SLC37A1: variants seen among roughly 807,000 people sequenced by gnomAD.
The protein encoded by SLC37A1 is glucose-6-phosphate exchanger SLC37A1.
Under a neutral mutation model 75.3 loss-of-function variants are expected in SLC37A1, and 49 were observed. The ratio of observed to expected loss-of-function variants is 0.65; its 90% CI spans 0.52 to 0.83. SLC37A1 has a LOEUF of 0.83. Among genes scored for constraint, SLC37A1 ranks in the 40% least tolerant of loss-of-function variants. SLC37A1 has a pLI of 0.00. For missense variants in SLC37A1, 566 were observed against 695.0 expected, an observed-to-expected ratio of 0.81 and a Z score of 2.09; for synonymous variants, 268 against 292.1, an observed-to-expected ratio of 0.92 and a Z score of 0.84.
rs372084210 is a variant in SLC37A1 at position 42,580,660 on chromosome 21, C to T, written c.*300C>T. 1.0e-4 allele frequency: 24 copies of T among 239,774 alleles called. No homozygotes were observed. Among genetic ancestry groups the T allele is most frequent in the African/African-American group, 4.8e-4 (19 of 39,664 alleles). The allele number at this position is 239,774 out of a possible 1,614,324, so 14.9% of individuals were successfully genotyped here. On this transcript the variant is annotated 3_prime_UTR_variant, in exon 20 of 20. Transcript: ENST00000352133. ...GCCCATGCAGCCACCCAAATGCACG[C>T]GTGACAACAAGGCCGGGAGGGTGGG...
At chr21:42,578,685 T>C (rs1386339483) in intron 18 of SLC37A1, among the ~76,000 whole-genome samples, 1 of 152,194 alleles carries the variant, frequency 6.6e-6, no homozygotes, top group Non-Finnish European at 1.5e-5. Context: ...CGCAAACACC[T>C]TTCATGCACC....
intron 10 of SLC37A1, among the ~76,000 whole-genome samples, chr21:42,556,735 C>T (rs971190109): frequency 8.5e-5 from 13 of 152,210 alleles, no homozygotes; most frequent in African/African-American, 3.1e-4. Context: ...TGTCTTGGTC[C>T]ACCCAGTGGC....
At chr21:42,529,468 C>T (rs1202480700) in intron 3 of SLC37A1, among the ~76,000 whole-genome samples, 3 of 152,000 alleles carry the variant, frequency 2.0e-5, no homozygotes, top group African/African-American at 4.8e-5. Flanking sequence ...GCATGAGAAT[C>T]GCTTGAACCT....
intron 2 of SLC37A1, 144 bp from the exon 3 acceptor site, chr21:42,525,632 A>T (rs2054770069): frequency 1.6e-6 from 1 of 626,382 alleles, no homozygotes; most frequent in Admixed American, 2.8e-5. Context: ...TTCCAATATT[A>T]TAGTGACATA....
intron 3 of SLC37A1, among the ~76,000 whole-genome samples, chr21:42,533,147 C>T (rs1211673209): frequency 6.6e-6 from 1 of 152,200 alleles, no homozygotes; most frequent in Non-Finnish European, 1.5e-5. Context: ...GGGGTGGCTC[C>T]CTGCCCAGCG....
In SLC37A1 at chr21:42,547,881, T is replaced by C. The variant is rs952951016; in HGVS notation, c.768+741T>C. On this transcript the variant is annotated intron_variant, in intron 9 of 19. Coordinates refer to ENST00000352133, the MANE Select transcript of SLC37A1 (RefSeq NM_001320537.2). The surrounding 1 kb of genome is among the most constrained non-coding windows in gnomAD (Gnocchi z 6.1). ...GCCCCGCTCCCCATGTCCACTGGCA[T>C]GACACCCCTCCTGTCTGCAGGCCAC... Among the ~76,000 whole-genome samples, 1 of 152,162 alleles carries C rather than the reference T, an allele frequency of 6.6e-6. No individual in the cohort carries two copies. Among genetic ancestry groups the C allele is most frequent in the African/African-American group, 2.4e-5 (1 of 41,438 alleles).
At chr21:42,571,918 C>A (rs945569778) in intron 17 of SLC37A1, among the ~76,000 whole-genome samples, 1 of 152,164 alleles carries the variant, frequency 6.6e-6, no homozygotes, top group Non-Finnish European at 1.5e-5. Flanking sequence ...GCCCACTGCG[C>A]GGCTTGGCCC....
intron 18 of SLC37A1, among the ~76,000 whole-genome samples, chr21:42,578,336 T>C (rs1031461600): frequency 6.6e-6 from 1 of 152,242 alleles, no homozygotes; most frequent in African/African-American, 2.4e-5. Context: ...CACGTGGGCA[T>C]GTTTTGAAAT....
chr21:42,535,638 G>T, intron 5 of SLC37A1, 88 bp downstream of exon 5: 3 of 1,202,318 alleles, frequency 2.5e-6, no homozygotes, highest in Non-Finnish European at 3.7e-6. Flanking sequence ...GTGCACAGGC[G>T]CGCGGGATTG....
chr21:42,551,799 GT>G (rs944915744), intron 9 of SLC37A1, among the ~76,000 whole-genome samples: 3 of 148,090 alleles, frequency 2.0e-5, no homozygotes, highest in African/African-American at 5.2e-5. Flanking sequence ...GACCTCAATG[GT>G]TTTTTTTGTT....
Position 42,518,480 on chromosome 21 carries a change from G to T in SLC37A1, c.26G>T (p.Arg9Leu). 1 of 1,614,128 alleles carries T rather than the reference G, an allele frequency of 6.2e-7. No homozygotes were observed. Among genetic ancestry groups the T allele is most frequent in the East Asian group, 2.2e-5 (1 of 44,882 alleles). MARLPAGI[R>L]FIISFSRDQW... ...ATGGCTCGACTCCCCGCTGGCATTC[G>T]CTTCATCATCTCATTCTCCAGGGAT... Residue 9 changes from arginine to leucine, a missense_variant, in exon 2 of 20, where the codon CGC becomes CTC. By Grantham distance (102) the Arg-to-Leu change is moderately radical (BLOSUM62 -2). Transcript: ENST00000352133.
chr21:42,572,114 G>A (rs996052128), intron 17 of SLC37A1, among the ~76,000 whole-genome samples: 1 of 152,204 alleles, frequency 6.6e-6, no homozygotes, highest in African/African-American at 2.4e-5. Flanking sequence ...TCTCGCCTGA[G>A]GCAATGTGGA....
upstream of SLC37A1, among the ~76,000 whole-genome samples, chr21:42,510,760 G>A (rs1238178701): frequency 6.6e-6 from 1 of 152,106 alleles, no homozygotes; most frequent in African/African-American, 2.4e-5. Context: ...CTTCATAAGA[G>A]ACAAAGTCAC....
At chr21:42,503,275 G>T (rs1458845291) in intron 2 of SLC37A1, among the ~76,000 whole-genome samples, 2 of 123,686 alleles carry the variant, frequency 1.6e-5, no homozygotes, top group Admixed American at 2.0e-4. Context: ...TTTGAGACAA[G>T]GTCTGGCTCT....
chr21:42,568,133 C>T (rs966741135), intron 16 of SLC37A1, among the ~76,000 whole-genome samples: 1 of 152,216 alleles, frequency 6.6e-6, no homozygotes, highest in Admixed American at 6.5e-5. Context: ...GAAGAGAATC[C>T]TAAGAGTTCT....
chr21:42,549,529 GA>G (rs1319514774), intron 9 of SLC37A1, among the ~76,000 whole-genome samples: 4 of 152,244 alleles, frequency 2.6e-5, no homozygotes, highest in African/African-American at 7.2e-5. Context: ...GCTGGTCGCA[GA>G]GGGAGAGATG....
At chr21:42,576,821 G>A (rs371526899) in intron 18 of SLC37A1, among the ~76,000 whole-genome samples, 9 of 152,212 alleles carry the variant, frequency 5.9e-5, no homozygotes, top group East Asian at 1.9e-4. Context: ...TTACTGAAGT[G>A]AAATATAGAT....
Position 42,578,047 on chromosome 21 carries a change from C to T in SLC37A1, c.1522-1689C>T, listed in dbSNP as rs116249659. 3.6e-3 allele frequency among the ~76,000 whole-genome samples: 541 copies of T among 152,318 alleles called. 1 individual carries two copies. Among genetic ancestry groups the T allele is most frequent in the African/African-American group, 0.012 (503 of 41,580 alleles). On this transcript the variant is annotated intron_variant, in intron 18 of 19. Transcript: ENST00000352133. ...CTAAGAACTAGACATACCTTTTTCTCTTCACTGATCAACATGCTTTTTGGT... is the reference window on the plus strand; with the variant it reads ...CTAAGAACTAGACATACCTTTTTCTTTTCACTGATCAACATGCTTTTTGGT...
chr21:42,518,034 A>G (rs970196099), intron 1 of SLC37A1, among the ~76,000 whole-genome samples: 1 of 152,222 alleles, frequency 6.6e-6, no homozygotes, highest in Admixed American at 6.5e-5. Flanking sequence ...TTTATCCACC[A>G]TCAGAACATT....
Sources: gnomAD v4.1 joint callset for allele counts (sites outside exome capture counted in the v4.1 genomes callset) on GRCh38, gnomAD v4.1.1 for gene constraint, Gnocchi (gnomAD v3.1) non-coding constraint, MANE v1.5 for transcripts, NCBI Gene and HGNC (gene_info 2026-07-23, HGNC 2026-07-21) for gene names.